Variants in SPAG16 observed in about 807,000 individuals in gnomAD.
The protein encoded by SPAG16 is sperm-associated antigen 16 protein.
In SPAG16, 86 loss-of-function variants were observed where a neutral mutation model predicts 80.4. That is an observed-to-expected ratio of 1.07 (90% CI 0.90 to 1.28). SPAG16 has a LOEUF of 1.28. SPAG16 is among the 50% of genes most tolerant of loss of function. The pLI is 0.00. For synonymous variants in SPAG16, 294 were observed against 265.9 expected, an observed-to-expected ratio of 1.11 and a Z score of -1.03; for missense variants, 870 against 765.3, an observed-to-expected ratio of 1.14 and a Z score of -1.61.
chr2:213,909,572 G>A (rs918691383), intron 11 of SPAG16, among the ~76,000 whole-genome samples: 11 of 151,820 alleles, frequency 7.2e-5, no homozygotes, highest in African/African-American at 7.3e-5. Flanking sequence ...AAATAACGCC[G>A]CATATCTACA....
chr2:214,158,949 T>A (rs987990129), intron 15 of SPAG16, among the ~76,000 whole-genome samples: 1 of 151,994 alleles, frequency 6.6e-6, no homozygotes, highest in Non-Finnish European at 1.5e-5. Flanking sequence ...TATATGTATA[T>A]AAACAATGTG....
chr2:213,956,446 CTTTTT>C (rs755475252), intron 12 of SPAG16, among the ~76,000 whole-genome samples: 11 of 113,064 alleles, frequency 9.7e-5, no homozygotes, highest in Admixed American at 2.0e-4. Context: ...ATTTTTTTTC[CTTTTT>C]TTTTTTTTTT....
Position 213,324,316 on chromosome 2 carries a change from A to G in SPAG16, c.536+6960A>G, listed in dbSNP as rs137855677. Among the ~76,000 whole-genome samples the G allele has an allele frequency of 2.8e-3, 428 of 152,286 alleles. 1 individual carries two copies. Among genetic ancestry groups the G allele is most frequent in the African/African-American group, 1.0e-2 (415 of 41,568 alleles). On this transcript the variant is annotated intron_variant, in intron 5 of 15. Coordinates refer to ENST00000331683, the MANE Select transcript of SPAG16 (RefSeq NM_024532.5). The stretch of plus-strand genomic sequence containing the variant: ...TGTTATGCTTTATATACATTGAAGT[A>G]TATGTCTTAGCTATATAATTTTGGC...
intron 13 of SPAG16, among the ~76,000 whole-genome samples, chr2:214,034,674 A>G (rs942000688): frequency 6.6e-6 from 1 of 152,216 alleles, no homozygotes; most frequent in Non-Finnish European, 1.5e-5. Flanking sequence ...CAGACCAGAC[A>G]TCCTGAAAGC....
chr2:213,998,695 T>C lies in SPAG16; in HGVS notation c.1401-15256T>C, dbSNP rs569693243. ...TGAAGACAGGAAAATGTGGGAAAGT[T>C]TGGAACTTTCTATAGACTAGTTGAA... On this transcript the variant is annotated intron_variant, in intron 12 of 15. Transcript: ENST00000331683. Among the ~76,000 whole-genome samples the C allele has an allele frequency of 2.6e-4, 40 of 152,292 alleles. No individual in the cohort carries two copies. In the South Asian group the frequency reaches 8.1e-3, roughly 31 times the overall value.
At chr2:213,850,119 C>T (rs574064400) in intron 10 of SPAG16, among the ~76,000 whole-genome samples, 5 of 152,234 alleles carry the variant, frequency 3.3e-5, no homozygotes, top group South Asian at 4.1e-4. Context: ...AATAGTGGGT[C>T]GTGATTCTCC....
chr2:214,354,510 A>G (rs1228735211), intron 15 of SPAG16, among the ~76,000 whole-genome samples: 1 of 152,084 alleles, frequency 6.6e-6, no homozygotes, highest in Non-Finnish European at 1.5e-5. Context: ...ATGAACTTTA[A>G]AGTAGTTTTT....
intron 6 of SPAG16, among the ~76,000 whole-genome samples, chr2:213,346,881 G>T (rs1008973535): frequency 1.1e-4 from 16 of 152,048 alleles, no homozygotes; most frequent in African/African-American, 3.9e-4. Flanking sequence ...TTTGGTATCA[G>T]GATGATGCTG....
At chr2:213,578,235 A>G (rs958298358) in intron 10 of SPAG16, among the ~76,000 whole-genome samples, 3 of 152,120 alleles carry the variant, frequency 2.0e-5, no homozygotes, top group Non-Finnish European at 4.4e-5. Context: ...AGAACATAGG[A>G]TCTCAAAGAT....
intron 15 of SPAG16, among the ~76,000 whole-genome samples, chr2:214,345,866 C>T (rs2126039212): frequency 1.3e-5 from 2 of 152,290 alleles, no homozygotes; most frequent in South Asian, 2.1e-4. Flanking sequence ...CTGAGAGATT[C>T]ATCATGTTTT....
intron 10 of SPAG16, among the ~76,000 whole-genome samples, chr2:213,805,692 CCT>C (rs1413349118): frequency 2.0e-5 from 3 of 152,152 alleles, no homozygotes; most frequent in Non-Finnish European, 4.4e-5. Context: ...CCTTCCAACT[CCT>C]CCATTCTGTG....
chr2:213,293,849 A>G (rs372509710), intron 1 of SPAG16, among the ~76,000 whole-genome samples: 41 of 152,322 alleles, frequency 2.7e-4, no homozygotes, highest in African/African-American at 9.6e-4. Context: ...TGATTTACAT[A>G]TACATTGTGA....
intron 10 of SPAG16, among the ~76,000 whole-genome samples, chr2:213,575,675 A>T (rs1406180944): frequency 2.0e-5 from 3 of 152,152 alleles, no homozygotes; most frequent in African/African-American, 7.2e-5. Flanking sequence ...ATTCCATATT[A>T]TATTTTTATT....
chr2:213,838,870 T>A (rs1339426017), intron 10 of SPAG16, among the ~76,000 whole-genome samples: 1 of 152,252 alleles, frequency 6.6e-6, no homozygotes, highest in African/African-American at 2.4e-5. Flanking sequence ...TAGTTTTGGC[T>A]TGGCAACATG....
chr2:213,942,443 A>G (rs2079246574), intron 12 of SPAG16, among the ~76,000 whole-genome samples: 1 of 152,216 alleles, frequency 6.6e-6, no homozygotes, highest in African/African-American at 2.4e-5. Flanking sequence ...CTGAGCAAAT[A>G]GAAGAAATCA....
intron 15 of SPAG16, among the ~76,000 whole-genome samples, chr2:214,227,072 A>G (rs913651282): frequency 2.6e-5 from 4 of 152,102 alleles, no homozygotes; most frequent in African/African-American, 9.6e-5. Context: ...AGTGTTTTCC[A>G]GAAGGTCTTT....
chr2:213,361,920 G>C (rs1406581989), intron 7 of SPAG16, among the ~76,000 whole-genome samples: 1 of 152,082 alleles, frequency 6.6e-6, no homozygotes, highest in Non-Finnish European at 1.5e-5. Context: ...TGGCTTGAGA[G>C]AGCAAGTAAG....
At position 213,647,473 on chromosome 2, in the gene SPAG16, C is replaced by A. The variant is rs187870447; in HGVS notation, c.1070+157383C>A. Among the ~76,000 whole-genome samples, 5 of 152,226 alleles carry A rather than the reference C, an allele frequency of 3.3e-5. No individual in the cohort carries two copies. In the South Asian group the frequency reaches 6.2e-4, roughly 19 times the overall value. ...TGCTCATTCTTTAAGACTCAGGTCCCGCTGCTGGCATACAGTGATTCACAG... is the reference window on the plus strand; with the variant it reads ...TGCTCATTCTTTAAGACTCAGGTCCAGCTGCTGGCATACAGTGATTCACAG... On this transcript the variant is annotated intron_variant, in intron 10 of 15. Coordinates refer to ENST00000331683, the MANE Select transcript of SPAG16 (RefSeq NM_024532.5).
intron 15 of SPAG16, among the ~76,000 whole-genome samples, chr2:214,214,582 A>G (rs563020720): frequency 1.6e-4 from 24 of 152,048 alleles, no homozygotes; most frequent in Admixed American, 5.2e-4. Context: ...ATTCTTATAA[A>G]TATCAGTTGA....
Sources: gnomAD v4.1 joint callset for allele counts (sites outside exome capture counted in the v4.1 genomes callset) on GRCh38, gnomAD v4.1.1 for gene constraint, MANE v1.5 for transcripts, NCBI Gene and HGNC (gene_info 2026-07-23, HGNC 2026-07-21) for gene names.